The following DCAF6 variants were observed in gnomAD, a reference collection of about 807,000 sequenced individuals.
DCAF6 encodes the protein DDB1 and CUL4 associated factor 6.
DCAF6 carries 54 observed loss-of-function variants against 125.1 expected under a neutral mutation model. The observed-to-expected ratio is 0.43, with a 90% CI of 0.35 to 0.54. DCAF6 has a LOEUF of 0.54. Ranked by LOEUF, DCAF6 falls within the 20% of genes least tolerant of loss-of-function variation. DCAF6 has a pLI of 0.01. For synonymous variants in DCAF6, 371 were observed against 390.4 expected, an observed-to-expected ratio of 0.95 and a Z score of 0.58; for missense variants, 934 against 1,161.7, an observed-to-expected ratio of 0.80 and a Z score of 2.85.
the DCAF6 span, among the ~76,000 whole-genome samples, chr1:167,923,601 T>C: frequency 6.6e-6 from 1 of 152,090 alleles, no homozygotes; most frequent in East Asian, 1.9e-4. Context: ...AAAAGGGTTC[T>C]GGAGATTGGT....
In DCAF6 at chr1:167,936,814, TG is replaced by T; in HGVS notation, c.-96del. ...GCGCCCTGGAGGCCCGGCGCGCGGA[TG>T]GTGCCGGTGCGGCTCGGGTGTTGAA... On this transcript the variant is annotated 5_prime_UTR_variant, in exon 1 of 22. An upstream open reading frame in the 5' UTR loses its in-frame stop. Coordinates refer to ENST00000367840, the MANE Select transcript of DCAF6 (RefSeq NM_001198956.2). 1 of 1,102,516 alleles carries T rather than the reference TG, an allele frequency of 9.1e-7. No homozygotes were observed. Among genetic ancestry groups the T allele is most frequent in the Non-Finnish European group, 1.3e-6 (1 of 756,116 alleles). The allele number at this position is 1,102,516 out of a possible 1,614,324, so 68.3% of individuals were successfully genotyped here.
intron 11 of DCAF6, among the ~76,000 whole-genome samples, chr1:168,021,205 T>C (rs1045564587): frequency 6.6e-6 from 1 of 152,150 alleles, no homozygotes; most frequent in African/African-American, 2.4e-5. Context: ...CATTTCATGG[T>C]ATTTTTTAGA....
intron 5 of DCAF6, among the ~76,000 whole-genome samples, chr1:167,989,609 G>A (rs545794435): frequency 3.9e-5 from 6 of 152,164 alleles, no homozygotes; most frequent in Non-Finnish European, 7.4e-5. Flanking sequence ...GGGGCCGGGC[G>A]CGGTGGCTCA....
chr1:167,883,574 C>T, the DCAF6 span: 19 of 1,614,238 alleles, frequency 1.2e-5, no homozygotes, highest in South Asian at 2.0e-4. Flanking sequence ...TTCACAAACA[C>T]AATCGTCACT....
At chr1:168,061,299 A>G (rs188004537) in intron 17 of DCAF6, among the ~76,000 whole-genome samples, 101 of 152,332 alleles carry the variant, frequency 6.6e-4, no homozygotes, top group African/African-American at 2.1e-3. Flanking sequence ...AAGTAAGTCT[A>G]TATAGCTTAA....
intron 5 of DCAF6, among the ~76,000 whole-genome samples, chr1:167,990,787 TATTTA>T (rs1191079413): frequency 2.0e-4 from 30 of 152,314 alleles, no homozygotes; most frequent in Middle Eastern, 3.4e-3. Context: ...TTTTAGAATG[TATTTA>T]ATTGCTCAAA....
chr1:167,882,421 G>C, the DCAF6 span, among the ~76,000 whole-genome samples: 5 of 146,122 alleles, frequency 3.4e-5, no homozygotes, highest in African/African-American at 1.3e-4. Flanking sequence ...GGAGGCGGAG[G>C]TTTCAGTGAG....
intron 7 of DCAF6, among the ~76,000 whole-genome samples, chr1:167,999,648 T>G (rs1298886279): frequency 6.6e-6 from 1 of 152,194 alleles, no homozygotes; most frequent in African/African-American, 2.4e-5. Context: ...CTTCTTTCCT[T>G]AAACTGCATG....
chr1:168,054,932 T>C (rs1690434703), intron 17 of DCAF6, among the ~76,000 whole-genome samples: 1 of 151,572 alleles, frequency 6.6e-6, no homozygotes, highest in Admixed American at 6.6e-5. Context: ...TTCTCCTGCC[T>C]CAGCCTCCCA....
chr1:168,036,990 T>C (rs1278083456), intron 12 of DCAF6, among the ~76,000 whole-genome samples: 1 of 152,200 alleles, frequency 6.6e-6, no homozygotes, highest in Non-Finnish European at 1.5e-5. Flanking sequence ...AGTTTTGTTA[T>C]CAGCTTGACT....
intron 12 of DCAF6, among the ~76,000 whole-genome samples, chr1:168,030,511 AT>A (rs776925705): frequency 1.1e-4 from 17 of 152,224 alleles, no homozygotes; most frequent in Non-Finnish European, 1.9e-4. Flanking sequence ...AGTATGGAGA[AT>A]TGATTAGAGA....
intron 4 of DCAF6, among the ~76,000 whole-genome samples, chr1:167,985,620 C>CT (rs1679890896): frequency 6.6e-6 from 1 of 152,076 alleles, no homozygotes; most frequent in East Asian, 1.9e-4. Context: ...CTACAAAATC[C>CT]TTTTTGCAGT....
intron 12 of DCAF6, among the ~76,000 whole-genome samples, chr1:168,037,812 G>A (rs1688032396): frequency 6.6e-6 from 1 of 152,084 alleles, no homozygotes. Context: ...AAATATCAAA[G>A]CACTATAAAT....
chr1:167,885,446 C>G, the DCAF6 span, among the ~76,000 whole-genome samples: 1 of 152,076 alleles, frequency 6.6e-6, no homozygotes, highest in African/African-American at 2.4e-5. Flanking sequence ...TCCTGTCCAG[C>G]GTTTGTTATT....
At chr1:168,045,559 A>G (rs1046855927) in intron 16 of DCAF6, among the ~76,000 whole-genome samples, 1 of 152,202 alleles carries the variant, frequency 6.6e-6, no homozygotes, top group Non-Finnish European at 1.5e-5. Flanking sequence ...CTCTCAGATT[A>G]TCTTGTAGAT....
intron 11 of DCAF6, among the ~76,000 whole-genome samples, chr1:168,017,950 G>A (rs896346042): frequency 1.3e-5 from 2 of 152,066 alleles, no homozygotes; most frequent in African/African-American, 4.8e-5. Context: ...AAGTGTTTTA[G>A]CTATAAGATG....
At chr1:168,071,573 G>A (rs1693035649) in intron 21 of DCAF6, among the ~76,000 whole-genome samples, 1 of 152,236 alleles carries the variant, frequency 6.6e-6, no homozygotes, top group Non-Finnish European at 1.5e-5. Context: ...GGTAGAGGTT[G>A]CAGTGAGCCA....
At chr1:167,918,873 G>T in the DCAF6 span, among the ~76,000 whole-genome samples, 1 of 152,196 alleles carries the variant, frequency 6.6e-6, no homozygotes, top group East Asian at 1.9e-4. Flanking sequence ...GATTACAGGA[G>T]TGAGCCACCA....
intron 4 of DCAF6, among the ~76,000 whole-genome samples, chr1:167,977,570 G>A (rs972785147): frequency 5.3e-5 from 8 of 151,944 alleles, no homozygotes; most frequent in African/African-American, 1.9e-4. Flanking sequence ...GTCTTGATGT[G>A]CATTGTTTTT....
Sources: gnomAD v4.1 joint callset for allele counts (sites outside exome capture counted in the v4.1 genomes callset) on GRCh38, gnomAD v4.1.1 for gene constraint, MANE v1.5 for transcripts, NCBI Gene and HGNC (gene_info 2026-07-23, HGNC 2026-07-21) for gene names.